Variants in RC3H1 observed in about 807,000 individuals in gnomAD.
The protein encoded by RC3H1 is roquin-1.
A neutral mutation model predicts 138.2 loss-of-function variants in RC3H1; 50 were observed. That is an observed-to-expected ratio of 0.36 (90% CI 0.29 to 0.46). The LOEUF (loss-of-function observed/expected upper bound fraction) is 0.46, where lower values mean the gene tolerates loss of function less well. Ranked by LOEUF, RC3H1 falls within the 20% of genes least tolerant of loss-of-function variation. The pLI, the probability that RC3H1 is intolerant of heterozygous loss-of-function variation, is 1.00. For missense variants in RC3H1, 1,031 were observed against 1,388.1 expected (o/e 0.74, Z 4.09); for synonymous variants, 462 against 489.1 (o/e 0.94, Z 0.73).
At chr1:173,949,000 C>T (rs1002080992) in intron 14 of RC3H1, among the ~76,000 whole-genome samples, 1 of 151,788 alleles carries the variant, frequency 6.6e-6, no homozygotes, top group Non-Finnish European at 1.5e-5. Flanking sequence ...GCAAAGATTC[C>T]TGCCTAATTT....
At position 173,931,460 on chromosome 1, in the gene RC3H1, C is replaced by T. The variant is rs1247169738; in HGVS notation, c.*7261G>A. The stretch of plus-strand genomic sequence containing the variant: ...TGGGCATCTTTGATATAAACATGCA[C>T]ACAAATAATACAAAATTGAGAAAGA... On this transcript the variant is annotated 3_prime_UTR_variant, in exon 20 of 20. Transcript: ENST00000367696. 1 of 152,078 alleles carries T rather than the reference C, an allele frequency of 6.6e-6. No individual in the cohort carries two copies. Among genetic ancestry groups the T allele is most frequent in the Non-Finnish European group, 1.5e-5 (1 of 68,022 alleles). 9.4% of individuals were successfully genotyped at this position (152,078 alleles called of 1,614,324 possible).
chr1:173,972,654 A>T, intron 7 of RC3H1, 27 bp from the exon 8 acceptor site: 1 of 1,467,102 alleles, frequency 6.8e-7, no homozygotes, highest in East Asian at 2.3e-5. Flanking sequence ...AATGTTTTAA[A>T]CTCTAATGTT....
chr1:173,945,214 C>G (rs1383624541), intron 17 of RC3H1, among the ~76,000 whole-genome samples: 2 of 151,720 alleles, frequency 1.3e-5, no homozygotes, highest in Non-Finnish European at 2.9e-5. Flanking sequence ...GCCTCAACCT[C>G]CCTGGGCTCA....
At chr1:173,957,327 A>C (rs1271951145) in intron 13 of RC3H1, among the ~76,000 whole-genome samples, 1 of 152,164 alleles carries the variant, frequency 6.6e-6, no homozygotes, top group Non-Finnish European at 1.5e-5. Context: ...TTTATAAATG[A>C]AGAAACGTGC....
At chr1:174,010,619 G>A (rs1661733477) in intron 1 of RC3H1, among the ~76,000 whole-genome samples, 1 of 151,794 alleles carries the variant, frequency 6.6e-6, no homozygotes, top group Non-Finnish European at 1.5e-5. Flanking sequence ...TCACAATATT[G>A]CCCAGGCTGG....
chr1:173,955,987 C>T (rs1320016248), intron 13 of RC3H1, among the ~76,000 whole-genome samples: 1 of 151,836 alleles, frequency 6.6e-6, no homozygotes, highest in Non-Finnish European at 1.5e-5. Context: ...AAAAATTAGC[C>T]TGGCATGGTG....
chr1:173,970,960 CTTTT>C (rs373953604), intron 8 of RC3H1, among the ~76,000 whole-genome samples: 2 of 132,624 alleles, frequency 1.5e-5, no homozygotes, highest in African/African-American at 2.8e-5. Context: ...CTCATTTCCA[CTTTT>C]TTTTTTTTTT....
chr1:173,960,247 G>A (rs1488654299), intron 13 of RC3H1, among the ~76,000 whole-genome samples: 4 of 151,400 alleles, frequency 2.6e-5, no homozygotes, highest in Admixed American at 6.6e-5. Context: ...CCAAAAATGC[G>A]CCATTGCACT....
Position 173,961,132 on chromosome 1 carries a change from G to A in RC3H1, c.2315C>T (p.Ser772Phe). 1 of 1,613,914 alleles carries A rather than the reference G, an allele frequency of 6.2e-7. No homozygotes were observed. Among genetic ancestry groups the A allele is most frequent in the Non-Finnish European group, 8.5e-7 (1 of 1,179,902 alleles). The change falls in exon 13 of 20, where the codon TCT becomes TTT. Residue 772 changes from serine (S) to phenylalanine (F), a missense_variant. Ser to Phe is a radical substitution (Grantham distance 155, BLOSUM62 -2). This residue lies in a region of RC3H1 where 716 missense variants were observed against 837.9 expected (regional missense o/e 0.85). Transcript: ENST00000367696. ...MAQLEERKVI[S>F]PPPFAPSPTL... ...TGGTGAAGGTGCAAAAGGAGGTGGA[G>A]AGATAACCTTTCTTTCCTCTAGCTG...
At chr1:173,968,470 C>T (rs1485080708) in intron 9 of RC3H1, among the ~76,000 whole-genome samples, 1 of 152,068 alleles carries the variant, frequency 6.6e-6, no homozygotes, top group Non-Finnish European at 1.5e-5. Flanking sequence ...GGAAGAGATC[C>T]TTAATTTTAA....
chr1:173,995,860 G>A (rs1269201301), intron 1 of RC3H1, among the ~76,000 whole-genome samples: 1 of 152,106 alleles, frequency 6.6e-6, no homozygotes, highest in Non-Finnish European at 1.5e-5. Flanking sequence ...GTAAAAATAT[G>A]GAAAACAGAT....
At chr1:173,987,485 C>G (rs934835705) in intron 2 of RC3H1, among the ~76,000 whole-genome samples, 6 of 152,070 alleles carry the variant, frequency 3.9e-5, no homozygotes, top group African/African-American at 7.2e-5. Context: ...GTGTATGTGT[C>G]TGTGTGTGTT....
At chr1:174,007,075 T>A (rs1305356096) in intron 1 of RC3H1, among the ~76,000 whole-genome samples, 2 of 152,004 alleles carry the variant, frequency 1.3e-5, no homozygotes. Context: ...ACACAATAGG[T>A]TAGTTTTGCC....
chr1:173,991,129 C>T (rs1220929189), intron 2 of RC3H1, among the ~76,000 whole-genome samples: 1 of 152,138 alleles, frequency 6.6e-6, no homozygotes, highest in African/African-American at 2.4e-5. Flanking sequence ...ACTTGGGAGG[C>T]TAAGGCATGA....
intron 7 of RC3H1, among the ~76,000 whole-genome samples, chr1:173,976,500 C>G (rs757753543): frequency 6.6e-6 from 1 of 150,554 alleles, no homozygotes; most frequent in African/African-American, 2.4e-5. Flanking sequence ...ACAGTAAGAA[C>G]TGAGAACTGA....
At chr1:173,947,064 T>C (rs1341241059) in intron 15 of RC3H1, among the ~76,000 whole-genome samples, 2 of 152,218 alleles carry the variant, frequency 1.3e-5, no homozygotes, top group African/African-American at 4.8e-5. Flanking sequence ...GTCTTTGTAG[T>C]TTTTCTTCCA....
chr1:174,011,266 T>G (rs1225998548), intron 1 of RC3H1, among the ~76,000 whole-genome samples: 1 of 151,738 alleles, frequency 6.6e-6, no homozygotes, highest in East Asian at 1.9e-4. Flanking sequence ...AATCCATAAC[T>G]CAATTAAAAA....
chr1:173,953,659 G>A (rs114838549), intron 13 of RC3H1, among the ~76,000 whole-genome samples: 11,056 of 152,122 alleles, frequency 0.073, 1,382 homozygotes, highest in African/African-American at 0.25. Context: ...ATACAAAGAC[G>A]GCCAGGAGAA....
chr1:173,941,432 T>C (rs777969798), intron 18 of RC3H1, 52 bp from the exon 19 acceptor site: 2 of 1,058,648 alleles, frequency 1.9e-6, no homozygotes, highest in Non-Finnish European at 1.5e-6. Context: ...ATGGTGTTAA[T>C]GGGAGAGACC....
Sources: allele counts gnomAD v4.1 joint callset (sites outside exome capture counted in the v4.1 genomes callset), GRCh38; gene constraint gnomAD v4.1.1; regional missense constraint gnomAD v4.1.1; transcripts MANE v1.5; gene names NCBI Gene and HGNC (gene_info 2026-07-23, HGNC 2026-07-21).